Variants in CADM2 observed in about 807,000 individuals in gnomAD.
CADM2 encodes immunoglobulin superfamily member 4D.
A neutral mutation model predicts 49.8 loss-of-function variants in CADM2; 12 were observed. That is an observed-to-expected ratio of 0.24 (90% confidence interval 0.15 to 0.39). CADM2 has a LOEUF of 0.39. CADM2 is among the 10% of genes least tolerant of loss of function. The pLI is 1.00. For synonymous variants in CADM2, 214 were observed against 175.4 expected (o/e 1.22, Z -1.74); for missense variants, 378 against 492.3 (o/e 0.77, Z 2.20).
chr3:85,901,847 C>A (rs781194571), intron 5 of CADM2, among the ~76,000 whole-genome samples: 20 of 152,090 alleles, frequency 1.3e-4, no homozygotes, highest in Non-Finnish European at 2.1e-4. Flanking sequence ...TACTTTCTGT[C>A]TGTATAAATT....
chr3:85,120,893 G>A (rs533420382), intron 1 of CADM2, among the ~76,000 whole-genome samples: 107 of 152,224 alleles, frequency 7.0e-4, no homozygotes, highest in African/African-American at 2.5e-3. Flanking sequence ...AGATTCACTC[G>A]ACAAATCTTC....
At chr3:85,234,380 TGCCTAA>T (rs2042365820) in intron 1 of CADM2, among the ~76,000 whole-genome samples, 1 of 152,156 alleles carries the variant, frequency 6.6e-6, no homozygotes, top group African/African-American at 2.4e-5. Flanking sequence ...TTTCTGTATC[TGCCTAA>T]ACAAACCTCC....
At chr3:85,141,419 C>T (rs749575917) in intron 1 of CADM2, among the ~76,000 whole-genome samples, 8 of 152,028 alleles carry the variant, frequency 5.3e-5, no homozygotes, top group East Asian at 1.9e-4. Flanking sequence ...ATTGTAAAAA[C>T]GTTTATTCTG....
chr3:85,680,248 G>A (rs1424499958), intron 1 of CADM2, among the ~76,000 whole-genome samples: 1 of 151,958 alleles, frequency 6.6e-6, no homozygotes, highest in African/African-American at 2.4e-5. Flanking sequence ...AAGAAGTTCT[G>A]ATTAATATAT....
chr3:85,020,557 T>C (rs1275365233), intron 1 of CADM2, among the ~76,000 whole-genome samples: 1 of 152,168 alleles, frequency 6.6e-6, no homozygotes, highest in Non-Finnish European at 1.5e-5. Flanking sequence ...ATAGGTAACA[T>C]AATGTGATAA....
chr3:85,569,145 AC>A (rs1392980623), intron 1 of CADM2, among the ~76,000 whole-genome samples: 5 of 152,120 alleles, frequency 3.3e-5, no homozygotes. Context: ...TCCCCTCCAC[AC>A]CCAATCCTGA....
intron 1 of CADM2, among the ~76,000 whole-genome samples, chr3:85,561,388 T>C (rs981697209): frequency 2.0e-5 from 3 of 152,310 alleles, no homozygotes. Context: ...TGATGTTCGA[T>C]TTGAGGATTT....
chr3:85,390,208 G>A (rs2034452377), intron 1 of CADM2, among the ~76,000 whole-genome samples: 2 of 151,968 alleles, frequency 1.3e-5, no homozygotes, highest in Admixed American at 6.6e-5. Flanking sequence ...TTAAAACATA[G>A]TTCTTTGTTT....
At chr3:85,380,199 A>C (rs2033823007) in intron 1 of CADM2, among the ~76,000 whole-genome samples, 1 of 152,060 alleles carries the variant, frequency 6.6e-6, no homozygotes, top group South Asian at 2.1e-4. Context: ...ACCCACAAAA[A>C]ATAGGAAGCA....
chr3:85,691,143 CTT>C (rs2066374082), intron 1 of CADM2, among the ~76,000 whole-genome samples: 1 of 152,170 alleles, frequency 6.6e-6, no homozygotes, highest in Non-Finnish European at 1.5e-5. Context: ...AAATCGACTT[CTT>C]TAGACTCCAC....
At chr3:85,772,326 C>T (rs947644780) in intron 2 of CADM2, among the ~76,000 whole-genome samples, 1 of 151,846 alleles carries the variant, frequency 6.6e-6, no homozygotes, top group Non-Finnish European at 1.5e-5. Context: ...TTTCTGCATT[C>T]GAATATTGGA....
chr3:85,839,989 C>T (rs2074572276), intron 3 of CADM2, among the ~76,000 whole-genome samples: 1 of 151,816 alleles, frequency 6.6e-6, no homozygotes, highest in African/African-American at 2.4e-5. Context: ...AAAGATTCTA[C>T]TCAGAATTGT....
chr3:85,864,794 G>C (rs1438793445), intron 3 of CADM2, among the ~76,000 whole-genome samples: 1 of 152,084 alleles, frequency 6.6e-6, no homozygotes, highest in Non-Finnish European at 1.5e-5. Flanking sequence ...GATTATTTAT[G>C]TAACTGATAC....
intron 1 of CADM2, among the ~76,000 whole-genome samples, chr3:85,355,464 T>A (rs1484504198): frequency 6.6e-6 from 1 of 152,084 alleles, no homozygotes; most frequent in Non-Finnish European, 1.5e-5. Context: ...TAGATTTGTT[T>A]GCTGTGAAAT....
chr3:85,730,516 G>C (rs1399826333), intron 2 of CADM2, among the ~76,000 whole-genome samples: 1 of 151,956 alleles, frequency 6.6e-6, no homozygotes, highest in Non-Finnish European at 1.5e-5. Flanking sequence ...GCCTGAAATA[G>C]TTTCTAACTT....
At chr3:85,672,103 G>A (rs573878085) in intron 1 of CADM2, among the ~76,000 whole-genome samples, 1 of 151,426 alleles carries the variant, frequency 6.6e-6, no homozygotes, top group Admixed American at 6.6e-5. Context: ...TGTGTTGGAA[G>A]TCTCATATAG....
intron 1 of CADM2, among the ~76,000 whole-genome samples, chr3:85,338,629 A>G (rs1418524637): frequency 6.6e-6 from 1 of 151,546 alleles, no homozygotes; most frequent in African/African-American, 2.4e-5. Context: ...ATAATTGTTA[A>G]TTTCTTACAT....
At chr3:85,903,587 AC>A (rs534536465) in intron 5 of CADM2, among the ~76,000 whole-genome samples, 1 of 152,110 alleles carries the variant, frequency 6.6e-6, no homozygotes, top group Non-Finnish European at 1.5e-5. Context: ...TTGTAAAAGT[AC>A]CCGTTGTTGT....
intron 3 of CADM2, among the ~76,000 whole-genome samples, chr3:85,813,700 T>C (rs1448922096): frequency 6.6e-6 from 1 of 152,220 alleles, no homozygotes; most frequent in African/African-American, 2.4e-5. Context: ...TAATTCATCT[T>C]GAGTTGTTTT....
Sources: gnomAD v4.1 joint callset for allele counts (sites outside exome capture counted in the v4.1 genomes callset) on GRCh38, gnomAD v4.1.1 for gene constraint, MANE v1.5 for transcripts, NCBI Gene and HGNC (gene_info 2026-07-23, HGNC 2026-07-21) for gene names.